RAMAC: variants seen among roughly 807,000 people sequenced by gnomAD.
The protein encoded by RAMAC is RNA guanine-N7 methyltransferase activating subunit.
In RAMAC, 11 loss-of-function variants were observed where a neutral mutation model predicts 17.9. The observed-to-expected ratio is 0.61, with a 90% CI of 0.39 to 1.02. The LOEUF (loss-of-function observed/expected upper bound fraction) is 1.02, where lower values mean the gene tolerates loss of function less well. Among genes scored for constraint, RAMAC ranks in the 50% least tolerant of loss-of-function variants. RAMAC has a pLI of 0.01. For missense variants in RAMAC, 109 were observed against 144.0 expected (o/e 0.76, Z 1.25); for synonymous variants, 27 against 48.4 (o/e 0.56, Z 1.84).
intron 3 of RAMAC, 53 bp from the exon 4 acceptor site, chr15:82,989,828 A>G (rs2030781874): frequency 6.3e-7 from 1 of 1,595,598 alleles, no homozygotes; most frequent in Non-Finnish European, 8.6e-7. Flanking sequence ...GGTTTGTCAT[A>G]TGTTTTTTTT....
At chr15:82,987,119 G>T (rs1309201951) in intron 1 of RAMAC, among the ~76,000 whole-genome samples, 1 of 152,068 alleles carries the variant, frequency 6.6e-6, no homozygotes, top group Non-Finnish European at 1.5e-5. Context: ...AGGTTTCACC[G>T]TGTTAGCCAG....
intron 2 of RAMAC, 191 bp from the exon 3 acceptor site, chr15:82,988,819 G>A (rs2030736251): frequency 1.9e-6 from 1 of 532,702 alleles, no homozygotes; most frequent in Non-Finnish European, 3.3e-6. Context: ...GGGTGACAAA[G>A]TGAGAGACCC....
At chr15:82,988,325 C>A (rs1030085802) in intron 2 of RAMAC, 2 of 161,700 alleles carry the variant, frequency 1.2e-5, no homozygotes, top group African/African-American at 4.8e-5. Flanking sequence ...AGCAAGACTC[C>A]GTCTGGGGGA....
chr15:82,988,775 A>AGT, intron 2 of RAMAC: 2 of 487,894 alleles, frequency 4.1e-6, no homozygotes, highest in Non-Finnish European at 7.7e-6. Flanking sequence ...TCAAGGCTGC[A>AGT]GTGACCCGAG....
In RAMAC at chr15:82,988,851, A is replaced by T. The variant is rs968499770; in HGVS notation, c.-9-159A>T. 1.2e-4 allele frequency: 81 copies of T among 663,106 alleles called. No individual in the cohort carries two copies. In the South Asian group the frequency reaches 1.6e-3, roughly 13 times the overall value. The allele number at this position is 663,106 out of a possible 1,614,324, so 41.1% of individuals were successfully genotyped here. A position where few individuals can be genotyped will look rare whatever the true frequency, so the allele number is the denominator to read the frequency against. On this transcript the variant is annotated intron_variant, in intron 2 of 3. Transcript: ENST00000304191. ...ACCCTGTCTCAAAAAAAAAAAAAAA[A>T]TGTTGAATTCAATATCTAAAATATG...
intron 2 of RAMAC, 95 bp from the exon 3 acceptor site, chr15:82,988,915 C>T (rs984180113): frequency 2.5e-5 from 27 of 1,064,354 alleles, no homozygotes; most frequent in Middle Eastern, 2.2e-4. Context: ...ATGAATACCC[C>T]GCCTAAAAAT....
chr15:82,987,990 G>A (rs1345892545), intron 2 of RAMAC, among the ~76,000 whole-genome samples: 1 of 145,316 alleles, frequency 6.9e-6, no homozygotes, highest in Non-Finnish European at 1.5e-5. Flanking sequence ...AGCCGAGATC[G>A]CGCCATTGCA....
At position 82,989,107 on chromosome 15, in the gene RAMAC, T is replaced by C. The variant is rs141691714; in HGVS notation, c.89T>C (p.Leu30Pro). 1.9e-6 allele frequency: 3 copies of C among 1,613,964 alleles called. No individual in the cohort carries two copies. Among genetic ancestry groups the C allele is most frequent in the Non-Finnish European group, 2.5e-6 (3 of 1,179,856 alleles). Residue 30 changes from leucine to proline, a missense_variant, in exon 3 of 4, where the codon CTG (leucine) becomes CCG (proline). Coordinates refer to ENST00000304191, the MANE Select transcript of RAMAC (RefSeq NM_031452.4). ...AATGACAAGGAGTATCAGGAATACC[T>C]GAAACGCCCTCCTGAGTCTCCTCCA... The part of the protein sequence containing the change: ...TENDKEYQEY[L>P]KRPPESPPIV...
chr15:82,989,589 T>TA (rs1218065368), intron 3 of RAMAC, among the ~76,000 whole-genome samples: 9 of 152,232 alleles, frequency 5.9e-5, no homozygotes, highest in African/African-American at 2.2e-4. Context: ...AGGAATAAAT[T>TA]ACCATACCAT....
In RAMAC at chr15:82,990,517, TCAG is replaced by T; in HGVS notation, c.*454_*456del. 3 of 701,108 alleles carry T rather than the reference TCAG, an allele frequency of 4.3e-6. No individual in the cohort carries two copies. Among genetic ancestry groups the T allele is most frequent in the Non-Finnish European group, 6.9e-6 (3 of 433,248 alleles). The allele number at this position is 701,108 out of a possible 1,614,324, so 43.4% of individuals were successfully genotyped here. A position where few individuals can be genotyped will look rare whatever the true frequency, so the allele number is the denominator to read the frequency against. ...TTTTTGTGATAGATTGTACATAACA[TCAG>T]CAGTTGAAAGGTAAAACAATTGCTT... On this transcript the variant is annotated 3_prime_UTR_variant, in exon 4 of 4. Transcript: ENST00000304191.
At chr15:82,989,751 A>G (rs2030779223) in intron 3 of RAMAC, 130 bp from the exon 4 acceptor site, 13 of 1,168,908 alleles carry the variant, frequency 1.1e-5, no homozygotes, top group Non-Finnish European at 1.5e-5. Context: ...ATAACATTCT[A>G]TTGTGAAAAA....
rs1438254762 is a variant in RAMAC, at chr15:82,987,067, G to A, written c.-58-269G>A. On this transcript the variant is annotated intron_variant, in intron 1 of 3. Transcript: ENST00000304191. ...CGAGTAGCTGGGACTACAGGCACAT[G>A]CCACCACGCCTGGCTAATTTTTTCT... 3.3e-5 allele frequency among the ~76,000 whole-genome samples: 5 copies of A among 152,196 alleles called. No homozygotes were observed. In the East Asian group the frequency reaches 7.7e-4, roughly 23 times the overall value.
rs2030828117 is a variant in RAMAC at position 82,990,835 on chromosome 15, G to T, written c.*768G>T. 2.0e-6 allele frequency: 1 copy of T among 509,884 alleles called. No individual in the cohort carries two copies. Among genetic ancestry groups the T allele is most frequent in the Non-Finnish European group, 3.5e-6 (1 of 285,134 alleles). The allele number at this position is 509,884 out of a possible 1,614,324, so 31.6% of individuals were successfully genotyped here. Reference sequence around the variant, plus strand: ...CACACTTTTTAATCCTGTAAATAATGCTGCATTTTGATGGTTCTTACTTTT... The same window carrying T: ...CACACTTTTTAATCCTGTAAATAATTCTGCATTTTGATGGTTCTTACTTTT... On this transcript the variant is annotated 3_prime_UTR_variant, in exon 4 of 4. Transcript: ENST00000304191.
At chr15:82,987,182 G>A (rs1450084145) in intron 1 of RAMAC, among the ~76,000 whole-genome samples, 154 bp from the exon 2 acceptor site, 1 of 152,176 alleles carries the variant, frequency 6.6e-6, no homozygotes, top group Non-Finnish European at 1.5e-5. Context: ...CTCCCAAAGT[G>A]TTGGGATTAC....
In RAMAC at chr15:82,988,442, A is replaced by C. The variant is rs2030717789; in HGVS notation, c.-9-568A>C. On this transcript the variant is annotated intron_variant, in intron 2 of 3. Coordinates refer to ENST00000304191, the MANE Select transcript of RAMAC (RefSeq NM_031452.4). ...TAGTATAAATGTTACAAATATTTGC[A>C]TATGTTTGGAGGAAAGGCAGACTAA... The C allele has an allele frequency of 2.2e-5, 4 of 179,838 alleles. No individual in the cohort carries two copies. In the South Asian group the frequency reaches 3.6e-4, roughly 16 times the overall value. The allele number at this position is 179,838 out of a possible 1,614,324, so 11.1% of individuals were successfully genotyped here.
Position 82,990,751 on chromosome 15 carries a change from T to G in RAMAC, c.*684T>G. 9.4e-7 allele frequency: 1 copy of G among 1,064,608 alleles called. No individual in the cohort carries two copies. Among genetic ancestry groups the G allele is most frequent in the Non-Finnish European group, 1.4e-6 (1 of 710,518 alleles). 65.9% of individuals were successfully genotyped at this position (1,064,608 alleles called of 1,614,324 possible). ...TCATTTTATACAAACACTAAAGCTTTTTGCTAACAACATAGCAGGTCAAAA... is the reference window on the plus strand; with the variant it reads ...TCATTTTATACAAACACTAAAGCTTGTTGCTAACAACATAGCAGGTCAAAA... On this transcript the variant is annotated 3_prime_UTR_variant, in exon 4 of 4. Transcript: ENST00000304191.
At position 82,990,027 on chromosome 15, in the gene RAMAC, A is replaced by G. The variant is rs772009818; in HGVS notation, c.317A>G (p.His106Arg). The stretch of plus-strand genomic sequence containing the variant: ...CCTTACTATCCCCAGCAATATGGAC[A>G]TTATGGTTACAACCAGCGGCCTCCT... ...QEPYYPQQYG[H>R]YGYNQRPPYG... The change falls in exon 4 of 4, where the codon CAT becomes CGT. Residue 106 changes from histidine to arginine, a missense_variant. Physicochemically the swap from His to Arg is conservative, Grantham distance 29. Transcript: ENST00000304191. The G allele has an allele frequency of 9.6e-6, 15 of 1,556,016 alleles. No individual in the cohort carries two copies. In the South Asian group the frequency reaches 1.6e-4, roughly 17 times the overall value.
chr15:82,989,513 C>T (rs1023100274), intron 3 of RAMAC, among the ~76,000 whole-genome samples: 19 of 152,090 alleles, frequency 1.2e-4, no homozygotes, highest in Non-Finnish European at 2.5e-4. Context: ...AACATTGTTT[C>T]GATTTTACTT....
At chr15:82,987,754 G>A (rs553722643) in intron 2 of RAMAC, among the ~76,000 whole-genome samples, 81 of 152,146 alleles carry the variant, frequency 5.3e-4, no homozygotes, top group Non-Finnish European at 1.1e-3. Flanking sequence ...AGATAAGAGT[G>A]TCAGGCTGGG....
Sources: gnomAD v4.1 joint callset for allele counts (sites outside exome capture counted in the v4.1 genomes callset) on GRCh38, gnomAD v4.1.1 for gene constraint, MANE v1.5 for transcripts, NCBI Gene and HGNC (gene_info 2026-07-23, HGNC 2026-07-21) for gene names.